The following MYO16 variants were observed in gnomAD, a reference collection of about 807,000 sequenced individuals.
MYO16 encodes the protein unconventional myosin-XVI.
A neutral mutation model predicts 205.3 loss-of-function variants in MYO16; 94 were observed. The ratio of observed to expected loss-of-function variants is 0.46; its 90% CI spans 0.39 to 0.54. The LOEUF is 0.54. Ranked by LOEUF, MYO16 falls within the 20% of genes least tolerant of loss-of-function variation. The pLI, the probability that MYO16 is intolerant of heterozygous loss-of-function variation, is 0.00. For synonymous variants in MYO16, 988 were observed against 954.0 expected (o/e 1.04, Z -0.66); for missense variants, 2,315 against 2,387.5 (o/e 0.97, Z 0.63).
At chr13:108,510,578 G>A in the MYO16 span, among the ~76,000 whole-genome samples, 1 of 83,606 alleles carries the variant, frequency 1.2e-5, no homozygotes, top group South Asian at 5.0e-4. Flanking sequence ...ACCCACTAAC[G>A]TGTCATCTAG....
Position 108,964,700 on chromosome 13 carries a change from G to A in MYO16, c.2228-61G>A. On this transcript the variant is annotated intron_variant, in intron 19 of 34. Transcript: ENST00000457511. ...GAATTAATAGGATATGTGGAGTTTTGGTTGGCTTCTAAATGAGGGAACCCT... is the reference window on the plus strand; with the variant it reads ...GAATTAATAGGATATGTGGAGTTTTAGTTGGCTTCTAAATGAGGGAACCCT... 3.9e-6 allele frequency: 6 copies of A among 1,557,678 alleles called. No individual in the cohort carries two copies. The South Asian group carries it at 6.9e-5, about 18-fold the overall frequency.
intron 32 of MYO16, among the ~76,000 whole-genome samples, chr13:109,146,408 C>T (rs971037685): frequency 6.6e-6 from 1 of 152,074 alleles, no homozygotes; most frequent in African/African-American, 2.4e-5. Context: ...GATTAATGAA[C>T]CTTCTCTGTG....
chr13:108,708,411 T>C (rs908224135), intron 2 of MYO16, among the ~76,000 whole-genome samples: 19 of 152,226 alleles, frequency 1.2e-4, no homozygotes, highest in African/African-American at 4.6e-4. Context: ...AAAATGACAC[T>C]GGCTTGATAC....
chr13:108,666,477 AT>A (rs555621458), intron 2 of MYO16, among the ~76,000 whole-genome samples: 9 of 151,332 alleles, frequency 5.9e-5, no homozygotes, highest in Admixed American at 2.0e-4. Context: ...TTATCAATGA[AT>A]TTTTTTTTCT....
At chr13:109,020,264 T>C (rs575878388) in intron 23 of MYO16, among the ~76,000 whole-genome samples, 3 of 152,162 alleles carry the variant, frequency 2.0e-5, no homozygotes, top group Admixed American at 6.5e-5. Context: ...TTGAATATAG[T>C]TTTTAGTATT....
chr13:109,007,555 TG>T lies in MYO16; in HGVS notation c.2443-1341del, dbSNP rs57715728. Among the ~76,000 whole-genome samples, 303 of 123,878 alleles carry T rather than the reference TG, an allele frequency of 2.4e-3. 4 individuals carry two copies. The highest frequency in any genetic ancestry group is 8.4e-3 in the African/African-American group (298 of 35,346). The allele number at this position is 123,878 out of a possible 152,430, so 81.3% of individuals were successfully genotyped here. A position where few individuals can be genotyped will look rare whatever the true frequency, so the allele number is the denominator to read the frequency against. On this transcript the variant is annotated intron_variant, in intron 21 of 34. Coordinates refer to ENST00000457511, the MANE Select transcript of MYO16 (RefSeq NM_001198950.3). ...GAAATCAGCCGTGTGTGTGTGTGTG[TG>T]TGTGTGTGTGTGTGTGTGTGTGTGT...
intron 22 of MYO16, among the ~76,000 whole-genome samples, chr13:109,009,414 T>C (rs1455056555): frequency 6.6e-6 from 1 of 152,220 alleles, no homozygotes; most frequent in African/African-American, 2.4e-5. Context: ...GGAATCTTTT[T>C]TGTTAATTTA....
intron 4 of MYO16, among the ~76,000 whole-genome samples, chr13:108,735,790 C>T (rs1187353463): frequency 6.6e-6 from 1 of 151,652 alleles, no homozygotes; most frequent in Non-Finnish European, 1.5e-5. Context: ...TTCTCCACAT[C>T]CTCTCCAGCA....
intron 27 of MYO16, among the ~76,000 whole-genome samples, chr13:109,076,872 G>A (rs1423595581): frequency 6.6e-5 from 10 of 152,254 alleles, no homozygotes; most frequent in African/African-American, 2.4e-4. Context: ...AGAAGACGCT[G>A]TGGAAACTGA....
intron 28 of MYO16, among the ~76,000 whole-genome samples, chr13:109,102,504 GTGTGTATA>G (rs757464753): frequency 2.6e-4 from 2 of 7,758 alleles, no homozygotes; most frequent in Non-Finnish European, 8.3e-4. Context: ...ATGTGTGTGT[GTGTGTATA>G]TATATATATA....
In MYO16 at chr13:109,161,364, G is replaced by C. The variant is rs552511435; in HGVS notation, c.5165-3537G>C. ...AAGAGTAAAAGAATGACTGTGTGGGGACTGCTGAGCCCTCTGGGCCTCAGT... is the reference window on the plus strand; with the variant it reads ...AAGAGTAAAAGAATGACTGTGTGGGCACTGCTGAGCCCTCTGGGCCTCAGT... On this transcript the variant is annotated intron_variant, in intron 32 of 34. Coordinates refer to ENST00000457511, the MANE Select transcript of MYO16 (RefSeq NM_001198950.3). 5.9e-5 allele frequency among the ~76,000 whole-genome samples: 9 copies of C among 152,322 alleles called. No homozygotes were observed. In the South Asian group the frequency reaches 1.7e-3, roughly 28 times the overall value.
chr13:109,206,987 C>CGT lies in MYO16; in HGVS notation c.*168_*169dup, dbSNP rs111750738. ...CACAGACACTAAATATATGAGATCC[C>CGT]GTGTGTGTGTGTGTGTGTTTGTGTG... On this transcript the variant is annotated 3_prime_UTR_variant, in exon 35 of 35. Coordinates refer to ENST00000457511, the MANE Select transcript of MYO16 (RefSeq NM_001198950.3). 842 of 569,360 alleles carry CGT rather than the reference C, an allele frequency of 1.5e-3. 1 individual carries two copies. Among genetic ancestry groups the CGT allele is most frequent in the East Asian group, 5.0e-3 (170 of 34,096 alleles). 35.3% of individuals were successfully genotyped at this position (569,360 alleles called of 1,614,324 possible).
At chr13:108,555,707 A>G in the MYO16 span, among the ~76,000 whole-genome samples, 2 of 152,142 alleles carry the variant, frequency 1.3e-5, no homozygotes, top group African/African-American at 4.8e-5. Context: ...TATCTAACTG[A>G]AGTTTCACAT....
chr13:108,930,118 A>C (rs896724324), intron 16 of MYO16, among the ~76,000 whole-genome samples: 2 of 152,204 alleles, frequency 1.3e-5, no homozygotes, highest in Non-Finnish European at 2.9e-5. Context: ...GACTGAAAGC[A>C]TATTGCAAAA....
At chr13:108,676,370 C>T (rs901575362) in intron 2 of MYO16, among the ~76,000 whole-genome samples, 21 of 27,260 alleles carry the variant, frequency 7.7e-4, no homozygotes, top group South Asian at 2.0e-3. Context: ...ATTATATGTA[C>T]GCGTGTGTGT....
chr13:108,609,808 T>A (rs1370265900), intron 1 of MYO16, among the ~76,000 whole-genome samples: 1 of 152,144 alleles, frequency 6.6e-6, no homozygotes, highest in Non-Finnish European at 1.5e-5. Flanking sequence ...GTTAAGACTG[T>A]AGATAGACAT....
At chr13:109,030,305 G>C (rs377291351) in intron 23 of MYO16, among the ~76,000 whole-genome samples, 2 of 152,112 alleles carry the variant, frequency 1.3e-5, no homozygotes, top group South Asian at 4.1e-4. Flanking sequence ...GCAAACCTCA[G>C]ATAGAAAGCT....
chr13:108,662,933 G>T (rs913890428), intron 1 of MYO16, among the ~76,000 whole-genome samples: 12 of 152,150 alleles, frequency 7.9e-5, no homozygotes, highest in African/African-American at 2.9e-4. Flanking sequence ...CCTTTCTGCT[G>T]CTTCCTCTAC....
At chr13:108,517,719 G>T in the MYO16 span, among the ~76,000 whole-genome samples, 4 of 152,186 alleles carry the variant, frequency 2.6e-5, no homozygotes, top group African/African-American at 7.2e-5. Context: ...TGTTTTGTTT[G>T]CTGCTCAGTA....
Sources: allele counts gnomAD v4.1 joint callset (sites outside exome capture counted in the v4.1 genomes callset), GRCh38; gene constraint gnomAD v4.1.1; transcripts MANE v1.5; gene names NCBI Gene and HGNC (gene_info 2026-07-23, HGNC 2026-07-21).